ENPP3: variants seen among roughly 807,000 people sequenced by gnomAD.
The protein encoded by ENPP3 is ectonucleotide pyrophosphatase/phosphodiesterase 3.
A neutral mutation model predicts 117.8 loss-of-function variants in ENPP3; 104 were observed. The observed-to-expected ratio is 0.88, with a 90% CI of 0.75 to 1.04. ENPP3 has a LOEUF of 1.04. ENPP3 is among the 50% of genes least tolerant of loss of function. The pLI is 0.00. For synonymous variants in ENPP3, 380 were observed against 349.9 expected (o/e 1.09, Z -0.96); for missense variants, 1,026 against 1,051.9 (o/e 0.98, Z 0.34).
In ENPP3 at chr6:131,693,425, T is replaced by C. The variant is rs1472477724; in HGVS notation, c.1285-72T>C. 6 of 1,338,692 alleles carry C rather than the reference T, an allele frequency of 4.5e-6. No individual in the cohort carries two copies. The East Asian group carries it at 7.0e-5, about 16-fold the overall frequency. The allele number at this position is 1,338,692 out of a possible 1,614,324, so 82.9% of individuals were successfully genotyped here. On this transcript the variant is annotated intron_variant, in intron 14 of 24. Coordinates refer to ENST00000357639, the MANE Select transcript of ENPP3 (RefSeq NM_005021.5). ...TTTTAAAAGGTGCTTCATAAATTGA[T>C]GTAGAAGATGAACTTTTAAAATTAA...
At position 131,676,462 on chromosome 6, in the gene ENPP3, A is replaced by G. The variant is rs372823251; in HGVS notation, c.873-274A>G. Among the ~76,000 whole-genome samples the G allele has an allele frequency of 2.8e-4, 42 of 152,316 alleles. No homozygotes were observed. The East Asian group carries it at 6.0e-3, about 22-fold the overall frequency. On this transcript the variant is annotated intron_variant, in intron 9 of 24. Coordinates refer to ENST00000357639, the MANE Select transcript of ENPP3 (RefSeq NM_005021.5). ...GCATACATTTTTAAAAATTGAATGA[A>G]TGGATCATAATCAATTGTCTTTTAT... is the stretch of plus-strand genomic sequence containing the variant.
intron 8 of ENPP3, 99 bp downstream of exon 8, chr6:131,674,380 C>T (rs760174464): frequency 8.4e-7 from 1 of 1,188,150 alleles, no homozygotes. Flanking sequence ...CTATGTCACC[C>T]ATCTAGTTTC....
chr6:131,719,731 T>A (rs1779974563), intron 16 of ENPP3, among the ~76,000 whole-genome samples: 1 of 152,154 alleles, frequency 6.6e-6, no homozygotes, highest in Non-Finnish European at 1.5e-5. Flanking sequence ...TAAAATAATT[T>A]GATCTGTTAT....
intron 3 of ENPP3, among the ~76,000 whole-genome samples, chr6:131,651,114 T>C (rs1207699408): frequency 1.3e-5 from 2 of 151,936 alleles, no homozygotes; most frequent in African/African-American, 2.4e-5. Flanking sequence ...GAGACGGGGT[T>C]TCACCATGTT....
In ENPP3 at chr6:131,746,821, A is replaced by T; in HGVS notation, c.2493A>T (p.Arg831Ser). 1 of 1,611,398 alleles carries T rather than the reference A, an allele frequency of 6.2e-7. No homozygotes were observed. The highest frequency in any genetic ancestry group is 2.2e-5 in the East Asian group (1 of 44,706). Residue 831 changes from arginine to serine, a missense_variant, in exon 25 of 25, where the codon AGA becomes AGT. Coordinates refer to ENST00000357639, the MANE Select transcript of ENPP3 (RefSeq NM_005021.5). ...CAGAAGCTCTTTGGGTTGAAGAAAG[A>T]TTTACAGCTCACATTGCCCGGGTCC... is the stretch of plus-strand genomic sequence containing the variant. The part of the protein sequence containing the change: ...GKPEALWVEE[R>S]FTAHIARVRD...
intron 6 of ENPP3, among the ~76,000 whole-genome samples, chr6:131,660,148 C>A (rs987356831): frequency 6.6e-6 from 1 of 152,078 alleles, no homozygotes; most frequent in African/African-American, 2.4e-5. Context: ...GGTAGGGGTA[C>A]ATATTCTCAG....
chr6:131,647,766 G>A (rs1031166807), intron 2 of ENPP3, among the ~76,000 whole-genome samples: 4 of 151,902 alleles, frequency 2.6e-5, no homozygotes, highest in African/African-American at 7.2e-5. Flanking sequence ...TAAAGAAAAT[G>A]TTCTCCACTT....
chr6:131,668,091 T>C (rs1244753711), intron 6 of ENPP3, among the ~76,000 whole-genome samples: 1 of 152,092 alleles, frequency 6.6e-6, no homozygotes, highest in East Asian at 1.9e-4. Context: ...TGGTAAACAG[T>C]TTGCTATGTT....
At chr6:131,711,045 G>A (rs1254858515) in intron 15 of ENPP3, 2 of 1,587,954 alleles carry the variant, frequency 1.3e-6, no homozygotes, top group Non-Finnish European at 1.7e-6. Context: ...GGCGGTCACC[G>A]CAGTAACACT....
chr6:131,739,396 GA>G (rs1487581555), intron 23 of ENPP3, among the ~76,000 whole-genome samples: 1 of 152,076 alleles, frequency 6.6e-6, no homozygotes, highest in Non-Finnish European at 1.5e-5. Context: ...CACTTCCTTG[GA>G]AAGCTGAGGA....
chr6:131,647,623 C>A (rs1036844516), intron 2 of ENPP3, among the ~76,000 whole-genome samples: 1 of 152,022 alleles, frequency 6.6e-6, no homozygotes, highest in African/African-American at 2.4e-5. Flanking sequence ...TTATTTATAC[C>A]TTTCTCCATA....
At chr6:131,733,952 A>G (rs979705262) in intron 21 of ENPP3, among the ~76,000 whole-genome samples, 6 of 152,140 alleles carry the variant, frequency 3.9e-5, no homozygotes, top group African/African-American at 1.4e-4. Flanking sequence ...CCAGATGTTT[A>G]GAGAGTTCGG....
intron 18 of ENPP3, among the ~76,000 whole-genome samples, chr6:131,723,739 T>C (rs1780084712): frequency 6.6e-6 from 1 of 152,032 alleles, no homozygotes; most frequent in Non-Finnish European, 1.5e-5. Flanking sequence ...GTCACCCAAC[T>C]TAGTCATTGA....
chr6:131,701,872 A>AC (rs1351985563), intron 15 of ENPP3, among the ~76,000 whole-genome samples: 1 of 147,136 alleles, frequency 6.8e-6, no homozygotes, highest in East Asian at 2.0e-4. Flanking sequence ...ACAGAGCCAG[A>AC]CTCTGTCTCC....
At chr6:131,727,066 T>G (rs1467510812) in intron 20 of ENPP3, among the ~76,000 whole-genome samples, 2 of 152,160 alleles carry the variant, frequency 1.3e-5, no homozygotes, top group Non-Finnish European at 2.9e-5. Flanking sequence ...AAGTTGTAGA[T>G]GGAACAATAT....
rs1207995286 is a variant in ENPP3, at chr6:131,647,933, A to AAATTTT, written c.155-2092_155-2087dup. Among the ~76,000 whole-genome samples the AAATTTT allele has an allele frequency of 2.0e-5, 3 of 152,120 alleles. No individual in the cohort carries two copies. The East Asian group carries it at 5.8e-4, about 29-fold the overall frequency. On this transcript the variant is annotated intron_variant, in intron 2 of 24. Coordinates refer to ENST00000357639, the MANE Select transcript of ENPP3 (RefSeq NM_005021.5). The stretch of plus-strand genomic sequence containing the variant: ...ATCACATTATTGTATATTCTTGTAG[A>AAATTTT]AATTTTATAACAGCAACTTTGTATT...
At chr6:131,716,547 T>C (rs1779891685) in intron 15 of ENPP3, among the ~76,000 whole-genome samples, 2 of 151,522 alleles carry the variant, frequency 1.3e-5, no homozygotes, top group Non-Finnish European at 2.9e-5. Flanking sequence ...TTTCTTTCTT[T>C]CATTAATGAA....
chr6:131,645,625 A>G (rs1778138712), intron 2 of ENPP3, among the ~76,000 whole-genome samples: 1 of 152,204 alleles, frequency 6.6e-6, no homozygotes, highest in Admixed American at 6.5e-5. Context: ...ATCTTTGTCT[A>G]TGTAAAGACG....
rs201089811 is a variant in ENPP3, at chr6:131,740,378, C to T, written c.2455C>T (p.Pro819Ser). 8.1e-6 allele frequency: 13 copies of T among 1,603,760 alleles called. No individual in the cohort carries two copies. Among genetic ancestry groups the T allele is most frequent in the African/African-American group, 1.3e-5 (1 of 74,520 alleles). ...CCGACCTACCAACGTGGAGAGCTGT[C>T]CTGTGAGTATGCTTTGGGAGGGTCC... ...PHRPTNVESC[P>S]EGKPEALWVE... is the part of the protein sequence containing the mutation. The change falls in exon 24 of 25, where the codon CCT (proline) becomes TCT (serine). Residue 819 changes from proline to serine, a missense_variant and splice_region_variant. Transcript: ENST00000357639.
Sources: gnomAD v4.1 joint callset for allele counts (sites outside exome capture counted in the v4.1 genomes callset) on GRCh38, gnomAD v4.1.1 for gene constraint, MANE v1.5 for transcripts, NCBI Gene and HGNC (gene_info 2026-07-23, HGNC 2026-07-21) for gene names.